SPG11: variants seen among roughly 807,000 people sequenced by gnomAD.
The protein encoded by SPG11 is spatacsin.
A neutral mutation model predicts 274.0 loss-of-function variants in SPG11; 222 were observed. The observed-to-expected ratio is 0.81, with a 90% CI of 0.73 to 0.91. The LOEUF (loss-of-function observed/expected upper bound fraction) is 0.91, where lower values mean the gene tolerates loss of function less well. SPG11 is among the 40% of genes least tolerant of loss of function. The pLI, the probability that SPG11 is intolerant of heterozygous loss-of-function variation, is 0.00. For synonymous variants in SPG11, 1,144 were observed against 1,039.7 expected (o/e 1.10, Z -1.93); for missense variants, 3,114 against 2,872.7 (o/e 1.08, Z -1.92).
intron 38 of SPG11, among the ~76,000 whole-genome samples, chr15:44,564,994 C>T (rs1028150719): frequency 6.6e-6 from 1 of 152,202 alleles, no homozygotes; most frequent in Admixed American, 6.5e-5. Flanking sequence ...GCCTCAGCCT[C>T]CTGCATATCT....
At chr15:44,576,360 G>T (rs904115301) in intron 30 of SPG11, among the ~76,000 whole-genome samples, 8 of 151,230 alleles carry the variant, frequency 5.3e-5, no homozygotes, top group Non-Finnish European at 1.0e-4. Flanking sequence ...TAGAAAGAAG[G>T]GGGTCAGGCC....
At chr15:44,627,994 A>C (rs2083952614) in intron 10 of SPG11, among the ~76,000 whole-genome samples, 2 of 152,202 alleles carry the variant, frequency 1.3e-5, no homozygotes, top group Non-Finnish European at 2.9e-5. Flanking sequence ...TTAACAACCT[A>C]GCAGCATCTC....
chr15:44,621,600 TAAGA>T, intron 14 of SPG11, 155 bp downstream of exon 14: 4 of 712,038 alleles, frequency 5.6e-6, no homozygotes, highest in East Asian at 5.5e-5. Flanking sequence ...AACTCTGAGA[TAAGA>T]AAGAGATCTT....
intron 7 of SPG11, among the ~76,000 whole-genome samples, chr15:44,636,925 C>CAAAAAAAAACAAACAAAAAAA (rs2084275496): frequency 5.1e-5 from 1 of 19,452 alleles, no homozygotes; most frequent in Non-Finnish European, 8.0e-5. Context: ...GACTCCATCT[C>CAAAAAAAAACAAACAAAAAAA]AAAAAAAAAA....
chr15:44,614,715 T>C lies in SPG11; in HGVS notation c.3038+648A>G, dbSNP rs1354923693. The stretch of plus-strand genomic sequence containing the variant: ...TCCATAAAATGGACATGGGAGTAAC[T>C]ACCCCATAGAGTTTTTGTGAAGATT... On this transcript the variant is annotated intron_variant, in intron 16 of 39. Coordinates refer to ENST00000261866, the MANE Select transcript of SPG11 (RefSeq NM_025137.4). Among the ~76,000 whole-genome samples the C allele has an allele frequency of 3.3e-5, 5 of 152,214 alleles. No individual in the cohort carries two copies. The South Asian group carries it at 6.2e-4, about 19-fold the overall frequency.
intron 30 of SPG11, among the ~76,000 whole-genome samples, chr15:44,578,576 G>C (rs1444503153): frequency 6.6e-6 from 1 of 152,118 alleles, no homozygotes; most frequent in East Asian, 1.9e-4. Context: ...ATGAACTACA[G>C]GGCTCACTCC....
chr15:44,587,797 A>G (rs1018398187), intron 28 of SPG11, among the ~76,000 whole-genome samples: 7 of 151,916 alleles, frequency 4.6e-5, no homozygotes, highest in Admixed American at 1.3e-4. Flanking sequence ...ATAAAAAATT[A>G]TAGAATAAAA....
chr15:44,649,694 C>T (rs1177262407), intron 6 of SPG11, among the ~76,000 whole-genome samples: 4 of 152,068 alleles, frequency 2.6e-5, no homozygotes, highest in Non-Finnish European at 5.9e-5. Flanking sequence ...GAGTTTGGGA[C>T]CAGCCTGGCC....
intron 7 of SPG11, among the ~76,000 whole-genome samples, chr15:44,640,040 C>G (rs1292379425): frequency 6.6e-6 from 1 of 152,084 alleles, no homozygotes; most frequent in Non-Finnish European, 1.5e-5. Context: ...GAAACCCCGT[C>G]TCTACTAAAA....
rs1366085483 is a variant in SPG11, at chr15:44,566,314, GA to G, written c.6755-10del. On this transcript the variant is annotated splice_polypyrimidine_tract_variant and intron_variant, in intron 36 of 39. Transcript: ENST00000261866. ...ATCCTTGAGGCTGTCCTCTGTAGGG[GA>G]AATAAAGAAGATTTGCCGAGTCTGA... 3 of 1,613,100 alleles carry G rather than the reference GA, an allele frequency of 1.9e-6. No individual in the cohort carries two copies. Among genetic ancestry groups the G allele is most frequent in the Non-Finnish European group, 2.5e-6 (3 of 1,179,446 alleles).
intron 7 of SPG11, among the ~76,000 whole-genome samples, chr15:44,634,361 G>C (rs1352705735): frequency 6.6e-6 from 1 of 151,942 alleles, no homozygotes; most frequent in Non-Finnish European, 1.5e-5. Flanking sequence ...TGCAACCTCT[G>C]CCTGCCCAGC....
chr15:44,623,982 A>T (rs1169189152), intron 11 of SPG11, among the ~76,000 whole-genome samples: 2 of 150,492 alleles, frequency 1.3e-5, no homozygotes, highest in African/African-American at 4.9e-5. Context: ...CTGGTCTCAA[A>T]CTCCTGCTTC....
In SPG11 at chr15:44,565,908, G is replaced by T. The variant is rs1322340631; in HGVS notation, c.6945C>A (p.Asn2315Lys). The stretch of plus-strand genomic sequence containing the variant: ...AGTCCATCAGCTTGTGGCGGCCCAA[G>T]TTGATGAGCATTGTGTTCTGGCCAG... ...LNTGQNTMLINLGRHKLMDCI... is the reference protein window; with the variant it reads ...LNTGQNTMLIKLGRHKLMDCI... The change falls in exon 38 of 40, where the codon AAC becomes AAA. Residue 2315 changes from asparagine (N) to lysine (K), a missense_variant. Transcript: ENST00000261866. The T allele has an allele frequency of 6.2e-7, 1 of 1,613,700 alleles. No individual in the cohort carries two copies. Among genetic ancestry groups the T allele is most frequent in the Admixed American group, 1.7e-5 (1 of 59,980 alleles).
At chr15:44,650,359 A>G (rs1227930686) in intron 6 of SPG11, among the ~76,000 whole-genome samples, 1 of 152,090 alleles carries the variant, frequency 6.6e-6, no homozygotes, top group South Asian at 2.1e-4. Context: ...TCTCTATTAA[A>G]AAATAAAAGT....
chr15:44,565,728 G>GTT, intron 38 of SPG11, 126 bp downstream of exon 38: 1 of 1,215,524 alleles, frequency 8.2e-7, no homozygotes, highest in Non-Finnish European at 1.2e-6. Context: ...GTATCAGAGA[G>GTT]TTAAATCAGA....
intron 38 of SPG11, 37 bp downstream of exon 38, chr15:44,565,817 G>C (rs781617991): frequency 3.1e-6 from 5 of 1,612,602 alleles, no homozygotes; most frequent in Non-Finnish European, 3.4e-6. Flanking sequence ...GAGAGAGGAT[G>C]CTAGCAGTGC....
intron 16 of SPG11, 28 bp downstream of exon 16, chr15:44,615,335 C>A (rs1255369367): frequency 6.2e-7 from 1 of 1,607,934 alleles, no homozygotes; most frequent in South Asian, 1.1e-5. Flanking sequence ...AAGACCTGCT[C>A]AAGGACAAAT....
chr15:44,583,792 C>G lies in SPG11; in HGVS notation c.5866+22G>C, dbSNP rs376911283. On this transcript the variant is annotated intron_variant, in intron 30 of 39. Transcript: ENST00000261866. ...TAACAGTGCCATTTAAGACTCTGGG[C>G]CATCTGATCTCCTTCACTTACTGCT... 3.5e-5 allele frequency: 57 copies of G among 1,614,070 alleles called. No homozygotes were observed. In the East Asian group the frequency reaches 1.2e-3, roughly 34 times the overall value.
At chr15:44,585,938 T>C in intron 28 of SPG11, 88 bp from the exon 29 acceptor site, 3 of 1,064,758 alleles carry the variant, frequency 2.8e-6, no homozygotes, top group South Asian at 2.5e-5. Context: ...GGGGAAAATA[T>C]ACGTGTTTAA....
Sources: allele counts gnomAD v4.1 joint callset (sites outside exome capture counted in the v4.1 genomes callset), GRCh38; gene constraint gnomAD v4.1.1; transcripts MANE v1.5; gene names NCBI Gene and HGNC (gene_info 2026-07-23, HGNC 2026-07-21).